Variants in ZNF423 observed in about 807,000 individuals in gnomAD.
ZNF423 encodes Ebf-associated zinc finger protein.
ZNF423 carries 12 observed loss-of-function variants against 95.8 expected under a neutral mutation model. That is an observed-to-expected ratio of 0.13 (90% confidence interval 0.08 to 0.20). ZNF423 has a LOEUF of 0.20. ZNF423 is among the 10% of genes least tolerant of loss of function. The pLI, the probability that ZNF423 is intolerant of heterozygous loss-of-function variation, is 1.00. For synonymous variants in ZNF423, 749 were observed against 711.9 expected, an observed-to-expected ratio of 1.05 and a Z score of -0.83; for missense variants, 1,316 against 1,737.1, an observed-to-expected ratio of 0.76 and a Z score of 4.31.
At chr16:49,668,844 G>A (rs2030666633) in intron 3 of ZNF423, among the ~76,000 whole-genome samples, 1 of 152,150 alleles carries the variant, frequency 6.6e-6, no homozygotes, top group African/African-American at 2.4e-5. Context: ...TACATGCTGT[G>A]TGACCTGGGA....
chr16:49,646,860 C>T (rs77121361), intron 3 of ZNF423, among the ~76,000 whole-genome samples: 18,829 of 152,196 alleles, frequency 0.12, 1,601 homozygotes, highest in South Asian at 0.28. Context: ...GCGTGAGCCA[C>T]CACGCCCAGC....
intron 1 of ZNF423, among the ~76,000 whole-genome samples, chr16:49,793,795 A>G (rs1034069339): frequency 3.9e-5 from 6 of 152,134 alleles, no homozygotes; most frequent in Non-Finnish European, 8.8e-5. Context: ...GCACACAAGG[A>G]GGGCATGCAG....
intron 5 of ZNF423, among the ~76,000 whole-genome samples, chr16:49,584,864 T>C (rs888920917): frequency 5.3e-5 from 8 of 152,220 alleles, no homozygotes; most frequent in African/African-American, 1.7e-4. Flanking sequence ...ATATGTAGAA[T>C]GCACCGGGAA....
chr16:49,847,889 G>A (rs952104209), intron 1 of ZNF423, among the ~76,000 whole-genome samples: 5 of 152,126 alleles, frequency 3.3e-5, no homozygotes, highest in South Asian at 2.1e-4. Flanking sequence ...TTGGGAGGTC[G>A]AGGCAGGAGG....
intron 5 of ZNF423, among the ~76,000 whole-genome samples, chr16:49,594,410 C>A (rs1275134294): frequency 3.9e-5 from 6 of 152,054 alleles, no homozygotes; most frequent in African/African-American, 1.4e-4. Context: ...AGAGGGAATG[C>A]TTACCTCTCT....
chr16:49,765,046 C>T (rs1042087501), intron 2 of ZNF423, among the ~76,000 whole-genome samples: 3 of 152,082 alleles, frequency 2.0e-5, no homozygotes, highest in Non-Finnish European at 4.4e-5. Context: ...CCACCACCCC[C>T]AGCCAAGTGC....
chr16:49,629,889 A>G (rs887150061), intron 4 of ZNF423, among the ~76,000 whole-genome samples: 4 of 152,236 alleles, frequency 2.6e-5, no homozygotes, highest in African/African-American at 9.6e-5. Context: ...ATAATTATTT[A>G]ACTTTTATTA....
rs146890706 is a variant in ZNF423, at chr16:49,673,467, C to A, written c.302-34593G>T. Among the ~76,000 whole-genome samples, 636 of 152,320 alleles carry A rather than the reference C, an allele frequency of 4.2e-3. 4 individuals carry two copies. The highest frequency in any genetic ancestry group is 0.015 in the African/African-American group (616 of 41,576). Reference sequence around the variant, plus strand: ...CGCTAACCGAGGCTGGCCTGGACTGCGGGTGCTTGTTAAGGAGAACTCCAG... The same window carrying A: ...CGCTAACCGAGGCTGGCCTGGACTGAGGGTGCTTGTTAAGGAGAACTCCAG... On this transcript the variant is annotated intron_variant, in intron 3 of 7. Transcript: ENST00000563137.
chr16:49,701,060 TAG>T (rs902579019), intron 3 of ZNF423, among the ~76,000 whole-genome samples: 1 of 152,132 alleles, frequency 6.6e-6, no homozygotes, highest in African/African-American at 2.4e-5. Flanking sequence ...GTAATAGAAA[TAG>T]AGAGGCCTCT....
intron 3 of ZNF423, among the ~76,000 whole-genome samples, chr16:49,692,104 C>G (rs1027759019): frequency 6.6e-6 from 1 of 152,032 alleles, no homozygotes; most frequent in Non-Finnish European, 1.5e-5. Flanking sequence ...TGAATGCTAC[C>G]ATGCCCAGCT....
chr16:49,681,410 G>A (rs1436790723), intron 3 of ZNF423, among the ~76,000 whole-genome samples: 12 of 152,216 alleles, frequency 7.9e-5, no homozygotes, highest in Admixed American at 7.9e-4. Context: ...GCTTTTTGGG[G>A]ATACAGAGAG....
intron 3 of ZNF423, among the ~76,000 whole-genome samples, chr16:49,725,991 G>A (rs117806206): frequency 0.011 from 1,666 of 152,312 alleles, 11 homozygotes; most frequent in Non-Finnish European, 0.016. Context: ...CCTGGAGCCC[G>A]CAGTCTTACT....
At chr16:49,553,761 GATA>G (rs1455080104) in intron 5 of ZNF423, among the ~76,000 whole-genome samples, 1 of 152,104 alleles carries the variant, frequency 6.6e-6, no homozygotes, top group Non-Finnish European at 1.5e-5. Context: ...TAGATTAGAT[GATA>G]ATTTTAAGTC....
intron 5 of ZNF423, among the ~76,000 whole-genome samples, chr16:49,608,050 C>T (rs958012086): frequency 6.6e-6 from 1 of 152,230 alleles, no homozygotes; most frequent in African/African-American, 2.4e-5. Context: ...TTCCCCTCAA[C>T]CCCCAAGCAC....
intron 5 of ZNF423, among the ~76,000 whole-genome samples, chr16:49,593,339 G>A (rs1971077000): frequency 6.6e-6 from 1 of 152,088 alleles, no homozygotes; most frequent in Admixed American, 6.5e-5. Context: ...GGAGGCTGAG[G>A]TGGAAGGATT....
intron 3 of ZNF423, among the ~76,000 whole-genome samples, chr16:49,720,429 C>T (rs1413009602): frequency 6.6e-6 from 1 of 152,172 alleles, no homozygotes; most frequent in Non-Finnish European, 1.5e-5. Flanking sequence ...ATCCCACCCC[C>T]CACCAGCAGT....
chr16:49,601,996 CT>C (rs1971391954), intron 5 of ZNF423, among the ~76,000 whole-genome samples: 1 of 152,250 alleles, frequency 6.6e-6, no homozygotes, highest in African/African-American at 2.4e-5. Context: ...TGTTCCAGCT[CT>C]GACTTAACTC....
intron 7 of ZNF423, among the ~76,000 whole-genome samples, chr16:49,499,517 T>A (rs1341430999): frequency 1.3e-5 from 2 of 151,996 alleles, no homozygotes; most frequent in African/African-American, 4.8e-5. Context: ...TCACCTGGGG[T>A]AACATTTGAG....
At chr16:49,664,334 G>A (rs924422201) in intron 3 of ZNF423, 10 of 966,104 alleles carry the variant, frequency 1.0e-5, no homozygotes, top group Admixed American at 6.1e-5. Flanking sequence ...CCCAGCTAGC[G>A]GGAGAGGAAG....
Sources: gnomAD v4.1 joint callset for allele counts (sites outside exome capture counted in the v4.1 genomes callset) on GRCh38, gnomAD v4.1.1 for gene constraint, MANE v1.5 for transcripts, NCBI Gene and HGNC (gene_info 2026-07-23, HGNC 2026-07-21) for gene names.